Variants in PCDHGA3 observed in about 807,000 individuals in gnomAD.
PCDHGA3 encodes protocadherin gamma-A3.
A neutral mutation model predicts 58.5 loss-of-function variants in PCDHGA3; 40 were observed. The observed-to-expected ratio is 0.68, with a 90% CI of 0.53 to 0.89. The LOEUF (loss-of-function observed/expected upper bound fraction) is 0.89. Ranked by LOEUF, PCDHGA3 falls within the 40% of genes least tolerant of loss-of-function variation. The pLI, the probability that PCDHGA3 is intolerant of heterozygous loss-of-function variation, is 0.00. For missense variants in PCDHGA3, 1,223 were observed against 1,195.9 expected, an observed-to-expected ratio of 1.02 and a Z score of -0.33; for synonymous variants, 530 against 525.7, an observed-to-expected ratio of 1.01 and a Z score of -0.11.
chr5:141,485,260 G>C lies in PCDHGA3; in HGVS notation c.2425-9547G>C. ...TTTACCACCTGGGTTACGTTTGTGG[G>C]CAGATCCGCTACCCGGTCCCAGAGG... is the stretch of plus-strand genomic sequence containing the variant. On this transcript the variant is annotated intron_variant, in intron 1 of 3. Transcript: ENST00000253812. The surrounding 1 kb of genome is among the most constrained non-coding windows in gnomAD (Gnocchi z 5.7). 1 of 1,614,122 alleles carries C rather than the reference G, an allele frequency of 6.2e-7. No homozygotes were observed. The highest frequency in any genetic ancestry group is 8.5e-7 in the Non-Finnish European group (1 of 1,179,966).
chr5:141,394,128 G>T, intron 1 of PCDHGA3: 10 of 1,613,730 alleles, frequency 6.2e-6, no homozygotes, highest in Non-Finnish European at 5.9e-6. Context: ...AACTCAAATC[G>T]CTCTGCACGT....
chr5:141,423,317 C>T, intron 1 of PCDHGA3: 4 of 1,614,118 alleles, frequency 2.5e-6, no homozygotes, highest in Non-Finnish European at 3.4e-6. Flanking sequence ...TTGGTGGTGG[C>T]GGTGGCCGCA....
At chr5:141,415,454 A>G (rs899212436) in intron 1 of PCDHGA3, 2 of 1,614,162 alleles carry the variant, frequency 1.2e-6, no homozygotes, top group Non-Finnish European at 8.5e-7. Flanking sequence ...TATTCCCACG[A>G]GGTCTCTCTC....
Position 141,431,518 on chromosome 5 carries a change from G to T in PCDHGA3, c.2425-63289G>T. 6.2e-7 allele frequency: 1 copy of T among 1,614,090 alleles called. No individual in the cohort carries two copies. Among genetic ancestry groups the T allele is most frequent in the Non-Finnish European group, 8.5e-7 (1 of 1,180,038 alleles). ...CCGAGTACCGCGCGAGCGTTCCGGA[G>T]AATCTGGCCTTGGGCACGCAGCTGC... On this transcript the variant is annotated intron_variant, in intron 1 of 3. Coordinates refer to ENST00000253812, the MANE Select transcript of PCDHGA3 (RefSeq NM_018916.4). The surrounding 1 kb of genome is among the most constrained non-coding windows in gnomAD (Gnocchi z 4.8).
rs766713915 is a variant in PCDHGA3 at position 141,344,905 on chromosome 5, T to G, written c.872T>G (p.Ile291Ser). ...LDKMPGKIAE[I>S]FHLNSVSGEV... ...AAAATGCCTGGGAAAATCGCTGAGATTTTCCATCTTAACTCAGTGAGTGGA... is the reference window on the plus strand; with the variant it reads ...AAAATGCCTGGGAAAATCGCTGAGAGTTTCCATCTTAACTCAGTGAGTGGA... The change falls in exon 1 of 4, where the codon ATT becomes AGT. Residue 291 changes from isoleucine to serine, a missense_variant. Coordinates refer to ENST00000253812, the MANE Select transcript of PCDHGA3 (RefSeq NM_018916.4). The G allele has an allele frequency of 6.2e-7, 1 of 1,613,780 alleles. No individual in the cohort carries two copies. The highest frequency in any genetic ancestry group is 8.5e-7 in the Non-Finnish European group (1 of 1,179,858).
chr5:141,431,440 C>T lies in PCDHGA3; in HGVS notation c.2425-63367C>T. ...ACCCGGTGCGCACAGGCACCGCGCG[C>T]ATCCGCGTGATGGTTCTGGATGCGA... is the stretch of plus-strand genomic sequence containing the variant. On this transcript the variant is annotated intron_variant, in intron 1 of 3. Transcript: ENST00000253812. The surrounding 1 kb of genome is among the most constrained non-coding windows in gnomAD (Gnocchi z 4.8). 6.2e-7 allele frequency: 1 copy of T among 1,613,754 alleles called. No homozygotes were observed.
At chr5:141,452,017 C>T (rs181614467) in intron 1 of PCDHGA3, among the ~76,000 whole-genome samples, 10 of 152,344 alleles carry the variant, frequency 6.6e-5, no homozygotes, top group Non-Finnish European at 1.2e-4. Flanking sequence ...CCAGCCCACA[C>T]TCTGGGGAGA....
chr5:141,495,221 G>A lies in PCDHGA3; in HGVS notation c.2483+356G>A, dbSNP rs376660961. On this transcript the variant is annotated intron_variant, in intron 2 of 3. Coordinates refer to ENST00000253812, the MANE Select transcript of PCDHGA3 (RefSeq NM_018916.4). ...ACTGCCTAACCCCCTCCCCTGAGTT[G>A]AGCTGGGCTCCATTATGACCTGGGG... Among the ~76,000 whole-genome samples, 26 of 152,300 alleles carry A rather than the reference G, an allele frequency of 1.7e-4. 1 individual carries two copies. The East Asian group carries it at 4.4e-3, about 26-fold the overall frequency.
At chr5:141,498,581 C>A (rs1281809549) in intron 2 of PCDHGA3, among the ~76,000 whole-genome samples, 1 of 152,104 alleles carries the variant, frequency 6.6e-6, no homozygotes, top group East Asian at 1.9e-4. Flanking sequence ...GTATTGAGTT[C>A]TTCAGTAAAC....
chr5:141,481,646 C>T (rs1425216422), intron 1 of PCDHGA3, among the ~76,000 whole-genome samples: 1 of 151,950 alleles, frequency 6.6e-6, no homozygotes, highest in African/African-American at 2.4e-5. Flanking sequence ...GGTGAAACTT[C>T]ATCTCTACTA....
intron 1 of PCDHGA3, chr5:141,393,707 T>G (rs1296711922): frequency 6.2e-7 from 1 of 1,613,882 alleles, no homozygotes; most frequent in East Asian, 2.2e-5. Flanking sequence ...ATGAAAATAC[T>G]GGGGAAATAT....
chr5:141,428,227 A>T (rs2154552643), intron 1 of PCDHGA3: 1 of 1,100,784 alleles, frequency 9.1e-7, no homozygotes, highest in Admixed American at 1.9e-5. Context: ...CTTCGCAGAC[A>T]GCCTGCAGGA....
chr5:141,425,217 T>G (rs565640413), intron 1 of PCDHGA3, among the ~76,000 whole-genome samples: 51 of 152,294 alleles, frequency 3.3e-4, no homozygotes, highest in Middle Eastern at 3.4e-3. Flanking sequence ...GCATTGTACT[T>G]TGACTGGAAT....
intron 1 of PCDHGA3, chr5:141,374,262 C>T (rs369097101): frequency 6.2e-7 from 1 of 1,613,942 alleles, no homozygotes; most frequent in Non-Finnish European, 8.5e-7. Flanking sequence ...CAGGAGTTGG[C>T]GGAGCACGGA....
chr5:141,410,135 G>T, intron 1 of PCDHGA3: 1 of 1,612,626 alleles, frequency 6.2e-7, no homozygotes, highest in Non-Finnish European at 8.5e-7. Context: ...CCTGCTGGTC[G>T]CTGTGCGTGA....
intron 1 of PCDHGA3, among the ~76,000 whole-genome samples, chr5:141,482,526 C>T (rs1198022164): frequency 1.5e-5 from 1 of 68,582 alleles, no homozygotes; most frequent in African/African-American, 9.7e-5. Flanking sequence ...ATGAGACAGA[C>T]ATGCAAAAAA....
chr5:141,365,240 C>T, intron 1 of PCDHGA3: 1 of 1,613,976 alleles, frequency 6.2e-7, no homozygotes, highest in Non-Finnish European at 8.5e-7. Context: ...AATCTCAACT[C>T]TACAATCACT....
In PCDHGA3 at chr5:141,511,067, C is replaced by T. The variant is rs760786015; in HGVS notation, c.2693C>T (p.Pro898Leu). The change falls in exon 4 of 4, where the codon CCA (proline) becomes CTA (leucine). Residue 898 changes from proline (P) to leucine (L), a missense_variant. Pro to Leu is a moderately conservative substitution (Grantham distance 98). Coordinates refer to ENST00000253812, the MANE Select transcript of PCDHGA3 (RefSeq NM_018916.4). ...VPDYRQNVYI[P>L]GSNATLTNAA... ...GACTACCGCCAGAATGTCTACATCC[C>T]AGGCAGCAATGCCACACTGACCAAC... 7.4e-6 allele frequency: 12 copies of T among 1,614,136 alleles called. No homozygotes were observed. Among genetic ancestry groups the T allele is most frequent in the African/African-American group, 1.3e-5 (1 of 74,942 alleles).
At chr5:141,415,153 G>A in intron 1 of PCDHGA3, 4 of 1,613,780 alleles carry the variant, frequency 2.5e-6, no homozygotes, top group South Asian at 2.2e-5. Flanking sequence ...CCCTCTCTCC[G>A]CCACTGTCAC....
Sources: gnomAD v4.1 joint callset for allele counts (sites outside exome capture counted in the v4.1 genomes callset) on GRCh38, gnomAD v4.1.1 for gene constraint, Gnocchi (gnomAD v3.1) non-coding constraint, MANE v1.5 for transcripts, NCBI Gene and HGNC (gene_info 2026-07-23, HGNC 2026-07-21) for gene names.